MPPED2: variants seen among roughly 807,000 people sequenced by gnomAD.
MPPED2 encodes metallophosphoesterase MPPED2.
A neutral mutation model predicts 33.0 loss-of-function variants in MPPED2; 5 were observed. The ratio of observed to expected loss-of-function variants is 0.15; its 90% CI spans 0.08 to 0.32. The LOEUF is 0.32. Among genes scored for constraint, MPPED2 ranks in the 10% least tolerant of loss-of-function variants. The pLI is 1.00. For missense variants in MPPED2, 275 were observed against 372.1 expected (o/e 0.74, Z 2.15); for synonymous variants, 136 against 141.9 (o/e 0.96, Z 0.29).
intron 2 of MPPED2, among the ~76,000 whole-genome samples, chr11:30,557,064 C>T (rs1237390273): frequency 1.3e-5 from 2 of 151,774 alleles, no homozygotes; most frequent in African/African-American, 2.4e-5. Context: ...TTGGGCATTA[C>T]ATTGAAACAT....
rs559285610 is a variant in MPPED2 at position 30,435,875 on chromosome 11, C to A, written c.537-18242G>T. 2.0e-5 allele frequency among the ~76,000 whole-genome samples: 3 copies of A among 152,202 alleles called. No individual in the cohort carries two copies. The East Asian group carries it at 5.8e-4, about 29-fold the overall frequency. ...AAACCTCATGTTTTTTTCCCCCTAA[C>A]AAGCTACAGGGCAAAGGAGATGAGG... On this transcript the variant is annotated intron_variant, in intron 4 of 6. Coordinates refer to ENST00000358117, the MANE Select transcript of MPPED2 (RefSeq NM_001584.3).
intron 2 of MPPED2, among the ~76,000 whole-genome samples, chr11:30,537,812 G>A (rs559764004): frequency 1.2e-4 from 18 of 152,154 alleles, no homozygotes; most frequent in Non-Finnish European, 1.9e-4. Context: ...CTGTTACCAC[G>A]TAGAAAATTC....
chr11:30,525,339 T>G (rs1954106998), intron 3 of MPPED2, among the ~76,000 whole-genome samples: 1 of 152,196 alleles, frequency 6.6e-6, no homozygotes, highest in Non-Finnish European at 1.5e-5. Context: ...TTTAGGGGGC[T>G]TCAGTGTTTC....
chr11:30,466,995 G>A (rs569029685), intron 4 of MPPED2, among the ~76,000 whole-genome samples: 60 of 152,136 alleles, frequency 3.9e-4, no homozygotes, highest in African/African-American at 9.6e-4. Context: ...CAAAAATTTC[G>A]AATTTTTCCT....
At chr11:30,408,611 A>G (rs1948027338), downstream of MPPED2, among the ~76,000 whole-genome samples, 1 of 152,122 alleles carries the variant, frequency 6.6e-6, no homozygotes, top group African/African-American at 2.4e-5. Flanking sequence ...TGCCTGTCTT[A>G]TATCAGCTCT....
chr11:30,535,947 G>GAGT, intron 3 of MPPED2, 47 bp downstream of exon 3: 1 of 1,497,908 alleles, frequency 6.7e-7, no homozygotes, highest in South Asian at 1.4e-5. Context: ...AGTGACACTC[G>GAGT]GACGGGAAAG....
At chr11:30,471,744 C>T (rs918081936) in intron 4 of MPPED2, among the ~76,000 whole-genome samples, 16 of 152,088 alleles carry the variant, frequency 1.1e-4, no homozygotes, top group East Asian at 1.9e-4. Context: ...AGTGAGCAGG[C>T]GTTCGATAAA....
chr11:30,536,238 G>A lies in MPPED2; in HGVS notation c.129-63C>T, dbSNP rs574734359. On this transcript the variant is annotated intron_variant, in intron 2 of 6. Coordinates refer to ENST00000358117, the MANE Select transcript of MPPED2 (RefSeq NM_001584.3). ...TATTAGAACCCTTGAAATTGTCGTC[G>A]CACATACATATTTATTATTATTCGT... 171 of 1,340,124 alleles carry A rather than the reference G, an allele frequency of 1.3e-4. No homozygotes were observed. In the African/African-American group the frequency reaches 1.5e-3, roughly 12 times the overall value. 83.0% of individuals were successfully genotyped at this position (1,340,124 alleles called of 1,614,324 possible).
intron 2 of MPPED2, among the ~76,000 whole-genome samples, chr11:30,573,159 A>G (rs1353446869): frequency 6.6e-6 from 1 of 152,224 alleles, no homozygotes; most frequent in Non-Finnish European, 1.5e-5. Flanking sequence ...GACCACATAT[A>G]TGAAGGTGGT....
intron 3 of MPPED2, among the ~76,000 whole-genome samples, chr11:30,502,516 C>T (rs1286403097): frequency 1.3e-5 from 2 of 152,176 alleles, no homozygotes; most frequent in East Asian, 3.9e-4. Context: ...GCTGTTGGTA[C>T]AATTTCTTAT....
chr11:30,502,859 A>G (rs1952633148), intron 3 of MPPED2, among the ~76,000 whole-genome samples: 1 of 152,192 alleles, frequency 6.6e-6, no homozygotes, highest in South Asian at 2.1e-4. Context: ...ATACAAGTTA[A>G]TGTTCCTCAA....
Position 30,417,546 on chromosome 11 carries a change from G to GTCAATGCCC in MPPED2, c.615_623dup (p.Glu205_Ile207dup). 6.2e-7 allele frequency: 1 copy of GTCAATGCCC among 1,612,184 alleles called. No individual in the cohort carries two copies. The highest frequency in any genetic ancestry group is 8.5e-7 in the Non-Finnish European group (1 of 1,178,638). On this transcript the variant is annotated inframe_insertion, in exon 5 of 7. Coordinates refer to ENST00000358117, the MANE Select transcript of MPPED2 (RefSeq NM_001584.3). ...GAGGAGGTCCATGTGTCATGAGTAT[G>GTCAATGCCC]TCAATGCCCTCAGGGATGAGGTTCC... is the stretch of plus-strand genomic sequence containing the variant.
At chr11:30,573,277 T>G (rs923250005) in intron 2 of MPPED2, among the ~76,000 whole-genome samples, 2 of 152,170 alleles carry the variant, frequency 1.3e-5, no homozygotes, top group Admixed American at 6.5e-5. Flanking sequence ...GTGATACTGG[T>G]GTAAACAAAC....
intron 6 of MPPED2, among the ~76,000 whole-genome samples, chr11:30,411,857 C>G (rs551301950): frequency 6.6e-6 from 1 of 152,016 alleles, no homozygotes; most frequent in East Asian, 1.9e-4. Context: ...GATTTCTTTA[C>G]TAGGGAGAAT....
intron 4 of MPPED2, among the ~76,000 whole-genome samples, chr11:30,435,323 T>A (rs1949275461): frequency 1.3e-5 from 2 of 152,228 alleles, no homozygotes; most frequent in Admixed American, 1.3e-4. Context: ...AATATCTTCT[T>A]CTTAAAGCCT....
intron 6 of MPPED2, among the ~76,000 whole-genome samples, chr11:30,398,534 T>C (rs1163543078): frequency 2.0e-5 from 3 of 152,172 alleles, no homozygotes; most frequent in Non-Finnish European, 4.4e-5. Flanking sequence ...AGAAGGTCCA[T>C]GAACAACTAC....
chr11:30,464,915 C>A (rs1360083093), intron 4 of MPPED2, among the ~76,000 whole-genome samples: 1 of 152,272 alleles, frequency 6.6e-6, no homozygotes, highest in Admixed American at 6.5e-5. Context: ...CAATTCAACT[C>A]AGTTAAGAGA....
intron 3 of MPPED2, among the ~76,000 whole-genome samples, chr11:30,535,349 A>G (rs2134478869): frequency 6.6e-6 from 1 of 152,312 alleles, no homozygotes; most frequent in Middle Eastern, 3.4e-3. Flanking sequence ...AAGAGGAACC[A>G]GGATCCAATA....
At chr11:30,430,745 C>T (rs1949042948) in intron 4 of MPPED2, among the ~76,000 whole-genome samples, 1 of 152,142 alleles carries the variant, frequency 6.6e-6, no homozygotes, top group Non-Finnish European at 1.5e-5. Flanking sequence ...ATTGGAATAT[C>T]CAGTAAAATA....
Sources: gnomAD v4.1 joint callset for allele counts (sites outside exome capture counted in the v4.1 genomes callset) on GRCh38, gnomAD v4.1.1 for gene constraint, MANE v1.5 for transcripts, NCBI Gene and HGNC (gene_info 2026-07-23, HGNC 2026-07-21) for gene names.